Variants in ZHX3 observed in about 807,000 individuals in gnomAD.
The protein encoded by ZHX3 is zinc fingers and homeoboxes protein 3.
A neutral mutation model predicts 64.5 loss-of-function variants in ZHX3; 20 were observed. The observed-to-expected ratio is 0.31, with a 90% CI of 0.22 to 0.45. The LOEUF is 0.45. Ranked by LOEUF, ZHX3 falls within the 20% of genes least tolerant of loss-of-function variation. The pLI is 1.00. For missense variants in ZHX3, 1,041 were observed against 1,195.8 expected, an observed-to-expected ratio of 0.87 and a Z score of 1.91; for synonymous variants, 423 against 461.6, an observed-to-expected ratio of 0.92 and a Z score of 1.07.
chr20:41,266,930 C>T (rs888022179), intron 2 of ZHX3, among the ~76,000 whole-genome samples: 7 of 150,124 alleles, frequency 4.7e-5, no homozygotes, highest in East Asian at 4.0e-4. Context: ...CTGCAACCTC[C>T]GCCTCCCGGG....
chr20:41,277,589 A>AT (rs11479824), intron 1 of ZHX3, among the ~76,000 whole-genome samples: 28 of 149,194 alleles, frequency 1.9e-4, no homozygotes, highest in Middle Eastern at 3.4e-3. Context: ...CTCCATGTTA[A>AT]TTTTTTTTTT....
At chr20:41,288,195 T>C (rs746726752) in intron 1 of ZHX3, among the ~76,000 whole-genome samples, 1 of 152,196 alleles carries the variant, frequency 6.6e-6, no homozygotes, top group Non-Finnish European at 1.5e-5. Flanking sequence ...AATTTTTGTA[T>C]TTTTTGCACA....
At chr20:41,301,647 G>C (rs1447273839) in intron 1 of ZHX3, among the ~76,000 whole-genome samples, 1 of 151,970 alleles carries the variant, frequency 6.6e-6, no homozygotes, top group Non-Finnish European at 1.5e-5. Flanking sequence ...GTTTGCACAG[G>C]TCCTGCCTCA....
In ZHX3 at chr20:41,180,381, T is replaced by C. The variant is rs1600687864; in HGVS notation, c.*4810A>G. ...CTTTCCCCTGTCCTTGTCCATATGG[T>C]AACCAGGGTCTGCCTAGTCTCATCC... On this transcript the variant is annotated 3_prime_UTR_variant, in exon 4 of 4. Transcript: ENST00000683867. 1 of 152,360 alleles carries C rather than the reference T, an allele frequency of 6.6e-6. No homozygotes were observed. Among genetic ancestry groups the C allele is most frequent in the African/African-American group, 2.4e-5 (1 of 41,456 alleles). The allele number at this position is 152,360 out of a possible 1,614,324, so 9.4% of individuals were successfully genotyped here.
In ZHX3 at chr20:41,184,806, A is replaced by G. The variant is rs1373419245; in HGVS notation, c.*385T>C. On this transcript the variant is annotated 3_prime_UTR_variant, in exon 4 of 4. Transcript: ENST00000683867. ...CTGACAATGCACTGCTTGGCTAACCAAAGTTTCTACGTAATGACAGTGTTG... is the reference window on the plus strand; with the variant it reads ...CTGACAATGCACTGCTTGGCTAACCGAAGTTTCTACGTAATGACAGTGTTG... The G allele has an allele frequency of 5.2e-6, 7 of 1,333,642 alleles. No individual in the cohort carries two copies. The highest frequency in any genetic ancestry group is 2.5e-5 in the East Asian group (1 of 39,606). 82.6% of individuals were successfully genotyped at this position (1,333,642 alleles called of 1,614,324 possible). A position where few individuals can be genotyped will look rare whatever the true frequency, so the allele number is the denominator to read the frequency against.
Position 41,204,193 on chromosome 20 carries a change from C to T in ZHX3, c.724G>A (p.Ala242Thr). ...GGGTTTTTTGCAGAGCTGGCAGATG[C>T]CTGGCTGACTGGAACTGCCCCATTG... ...FINGAVPVSQ[A>T]SASSAKNPHA... is the part of the protein sequence containing the mutation. Residue 242 changes from alanine (A) to threonine (T), a missense_variant, in exon 3 of 4, where the codon GCA (alanine) becomes ACA (threonine). Physicochemically the swap from Ala to Thr is moderately conservative, Grantham distance 58. This residue lies in a region of ZHX3 where 358 missense variants were observed against 369.1 expected (regional missense o/e 0.97). Coordinates refer to ENST00000683867, the MANE Select transcript of ZHX3 (RefSeq NM_001384317.1). This position sits in a 1 kb window ranked among gnomAD's most constrained non-coding sequence, Gnocchi z 6.6. 1 of 1,610,230 alleles carries T rather than the reference C, an allele frequency of 6.2e-7. No individual in the cohort carries two copies. The highest frequency in any genetic ancestry group is 1.3e-5 in the African/African-American group (1 of 74,906).
chr20:41,179,580 A>G lies in ZHX3; in HGVS notation c.*5611T>C, dbSNP rs940262649. The G allele has an allele frequency of 7.2e-5, 11 of 151,768 alleles. No homozygotes were observed. Among genetic ancestry groups the G allele is most frequent in the African/African-American group, 2.7e-4 (11 of 41,300 alleles). The allele number at this position is 151,768 out of a possible 1,614,324, so 9.4% of individuals were successfully genotyped here. A position where few individuals can be genotyped will look rare whatever the true frequency, so the allele number is the denominator to read the frequency against. ...AAAGACCAAGCACTTGTAGCTCTCTATTCAGTGACTAAACAACCTGACATT... is the reference window on the plus strand; with the variant it reads ...AAAGACCAAGCACTTGTAGCTCTCTGTTCAGTGACTAAACAACCTGACATT... On this transcript the variant is annotated 3_prime_UTR_variant, in exon 4 of 4. Coordinates refer to ENST00000683867, the MANE Select transcript of ZHX3 (RefSeq NM_001384317.1). The surrounding 1 kb of genome is among the most constrained non-coding windows in gnomAD (Gnocchi z 4.3).
chr20:41,276,791 G>A (rs912735254), intron 1 of ZHX3, among the ~76,000 whole-genome samples: 1 of 152,202 alleles, frequency 6.6e-6, no homozygotes, highest in African/African-American at 2.4e-5. Flanking sequence ...AAAGCACACT[G>A]GGGTTTATGA....
chr20:41,303,433 C>T (rs1286518604), intron 1 of ZHX3, among the ~76,000 whole-genome samples: 1 of 152,212 alleles, frequency 6.6e-6, no homozygotes, highest in South Asian at 2.1e-4. Flanking sequence ...CTTCCAAGCT[C>T]CACACAGTAA....
chr20:41,235,727 C>T (rs1028575763), intron 2 of ZHX3, among the ~76,000 whole-genome samples: 5 of 152,206 alleles, frequency 3.3e-5, no homozygotes, highest in African/African-American at 7.2e-5. Context: ...GGAATGCCCT[C>T]TCTCACCACT....
chr20:41,302,032 C>T (rs2044832819), intron 1 of ZHX3, among the ~76,000 whole-genome samples: 1 of 121,872 alleles, frequency 8.2e-6, no homozygotes, highest in South Asian at 2.7e-4. Context: ...CCAGCCTGGG[C>T]GACGGAGCGA....
At chr20:41,277,812 C>T (rs992935154) in intron 1 of ZHX3, among the ~76,000 whole-genome samples, 3 of 137,018 alleles carry the variant, frequency 2.2e-5, no homozygotes, top group African/African-American at 5.5e-5. Context: ...AGGATGGTCT[C>T]GATCTCCTGA....
At chr20:41,289,275 A>G (rs1020038049) in intron 1 of ZHX3, among the ~76,000 whole-genome samples, 4 of 152,132 alleles carry the variant, frequency 2.6e-5, no homozygotes, top group Non-Finnish European at 5.9e-5. Flanking sequence ...TGCTGGGATT[A>G]CAGGCATGAG....
intron 1 of ZHX3, among the ~76,000 whole-genome samples, chr20:41,302,779 G>C (rs1841305651): frequency 6.6e-6 from 1 of 152,246 alleles, no homozygotes; most frequent in Admixed American, 6.5e-5. Context: ...AGATGGCAGA[G>C]CATCATTAGT....
chr20:41,237,591 C>T (rs892436702), intron 2 of ZHX3, among the ~76,000 whole-genome samples: 11 of 152,240 alleles, frequency 7.2e-5, no homozygotes, highest in African/African-American at 2.2e-4. Context: ...GGAAGGGGAA[C>T]ATCACTCACC....
intron 2 of ZHX3, among the ~76,000 whole-genome samples, chr20:41,257,870 C>T (rs2042346680): frequency 6.9e-6 from 1 of 145,258 alleles, no homozygotes; most frequent in Non-Finnish European, 1.5e-5. Flanking sequence ...CTTGGCCTCC[C>T]AAAGTGCTGG....
chr20:41,288,426 T>C (rs1384915703), intron 1 of ZHX3, among the ~76,000 whole-genome samples: 1 of 152,250 alleles, frequency 6.6e-6, no homozygotes, highest in Non-Finnish European at 1.5e-5. Flanking sequence ...AGGCACACAG[T>C]AGTCACTTAA....
chr20:41,250,365 C>T (rs1449925371), intron 2 of ZHX3, among the ~76,000 whole-genome samples: 1 of 152,192 alleles, frequency 6.6e-6, no homozygotes, highest in Non-Finnish European at 1.5e-5. Context: ...TCTTAATAGA[C>T]AAAATGTCCG....
chr20:41,282,562 G>A (rs2043742162), intron 1 of ZHX3, among the ~76,000 whole-genome samples: 1 of 152,016 alleles, frequency 6.6e-6, no homozygotes, highest in Non-Finnish European at 1.5e-5. Context: ...GTTTCACCAT[G>A]TTGGGCGGGC....
Sources: allele counts gnomAD v4.1 joint callset (sites outside exome capture counted in the v4.1 genomes callset), GRCh38; gene constraint gnomAD v4.1.1; regional missense constraint gnomAD v4.1.1; non-coding constraint Gnocchi (gnomAD v3.1); transcripts MANE v1.5; gene names NCBI Gene and HGNC (gene_info 2026-07-23, HGNC 2026-07-21).